Variants in WWOX observed in about 807,000 individuals in gnomAD.
WWOX encodes WW domain-containing oxidoreductase.
Under a neutral mutation model 46.2 loss-of-function variants are expected in WWOX, and 69 were observed. The ratio of observed to expected loss-of-function variants is 1.49; its 90% CI spans 1.23 to 1.82. The LOEUF is 1.82. WWOX is among the 40% of genes most tolerant of loss of function. The probability of loss-of-function intolerance (pLI) is 0.00; values close to 1 mark genes in which losing one functional copy is unlikely to be tolerated. For synonymous variants in WWOX, 359 were observed against 202.6 expected, an observed-to-expected ratio of 1.77 and a Z score of -6.56; for missense variants, 919 against 542.6, an observed-to-expected ratio of 1.69 and a Z score of -6.89.
intron 8 of WWOX, among the ~76,000 whole-genome samples, chr16:78,861,181 T>C (rs142128833): frequency 0.012 from 1,761 of 152,178 alleles, 40 homozygotes; most frequent in African/African-American, 0.041. Flanking sequence ...TCTCTTTGCT[T>C]CTTTCCTTTT....
chr16:79,030,401 C>G (rs1427653000), intron 8 of WWOX, among the ~76,000 whole-genome samples: 4 of 152,202 alleles, frequency 2.6e-5, no homozygotes, highest in African/African-American at 7.2e-5. Context: ...ACTTCAGATA[C>G]TTTTCATGGC....
chr16:79,057,795 C>T (rs1001364109), intron 8 of WWOX, among the ~76,000 whole-genome samples: 1 of 152,162 alleles, frequency 6.6e-6, no homozygotes, highest in Non-Finnish European at 1.5e-5. Flanking sequence ...CAGCTCTGAT[C>T]CATCTCAGCT....
intron 8 of WWOX, among the ~76,000 whole-genome samples, chr16:78,986,594 T>C (rs572263328): frequency 2.2e-4 from 33 of 152,206 alleles, no homozygotes; most frequent in Non-Finnish European, 3.8e-4. Flanking sequence ...CATCATTCCT[T>C]AATTCCAGGT....
At chr16:78,742,585 G>T (rs945342425) in intron 8 of WWOX, among the ~76,000 whole-genome samples, 6 of 152,174 alleles carry the variant, frequency 3.9e-5, no homozygotes, top group South Asian at 2.1e-4. Flanking sequence ...AACGCACAGC[G>T]ATCCCCAGCG....
intron 8 of WWOX, among the ~76,000 whole-genome samples, chr16:79,199,495 T>A (rs952680664): frequency 6.6e-6 from 1 of 152,164 alleles, no homozygotes; most frequent in Admixed American, 6.5e-5. Context: ...TGGCACAAAA[T>A]CAAAACTGCA....
At chr16:78,487,207 T>G (rs561188223) in intron 8 of WWOX, among the ~76,000 whole-genome samples, 50 of 151,964 alleles carry the variant, frequency 3.3e-4, no homozygotes, top group African/African-American at 1.2e-3. Context: ...TTTTTCTCAG[T>G]TTTTTTTCCC....
At chr16:79,047,226 G>A (rs1384882677) in intron 8 of WWOX, among the ~76,000 whole-genome samples, 3 of 152,132 alleles carry the variant, frequency 2.0e-5, no homozygotes, top group Admixed American at 6.6e-5. Context: ...GACACAAATT[G>A]TCCTTACCCT....
At chr16:78,910,857 C>G (rs1440491666) in intron 8 of WWOX, among the ~76,000 whole-genome samples, 3 of 151,906 alleles carry the variant, frequency 2.0e-5, no homozygotes, top group Non-Finnish European at 2.9e-5. Context: ...AGCTATAATT[C>G]AAGATGAGAT....
chr16:78,675,764 A>C (rs755592551), intron 8 of WWOX, among the ~76,000 whole-genome samples: 2 of 152,200 alleles, frequency 1.3e-5, no homozygotes, highest in Non-Finnish European at 2.9e-5. Context: ...GCTTGAGGCC[A>C]GGAGTTTGAG....
intron 8 of WWOX, among the ~76,000 whole-genome samples, chr16:78,709,457 A>G (rs948470896): frequency 1.3e-5 from 2 of 151,802 alleles, no homozygotes; most frequent in African/African-American, 4.9e-5. Flanking sequence ...AGCCTTGGTG[A>G]GATTGGGATA....
At chr16:78,903,830 A>G (rs2044889967) in intron 8 of WWOX, among the ~76,000 whole-genome samples, 1 of 152,230 alleles carries the variant, frequency 6.6e-6, no homozygotes, top group Non-Finnish European at 1.5e-5. Context: ...AACATAATTC[A>G]TAAAGGAACA....
Position 78,350,092 on chromosome 16 carries a change from T to G in WWOX, c.517-36768T>G, listed in dbSNP as rs1237371608. Among the ~76,000 whole-genome samples the G allele has an allele frequency of 1.7e-5, 2 of 121,034 alleles. 1 individual carries two copies. Among genetic ancestry groups the G allele is most frequent in the Non-Finnish European group, 3.9e-5 (2 of 50,682 alleles). The allele number at this position is 121,034 out of a possible 152,430, so 79.4% of individuals were successfully genotyped here. A position where few individuals can be genotyped will look rare whatever the true frequency, so the allele number is the denominator to read the frequency against. On this transcript the variant is annotated intron_variant, in intron 5 of 8. Transcript: ENST00000566780. ...AAACATTTGACCATGTCACTTAAGTTTCTTACCGTGATCTCCAACAGCTAG... is the reference window on the plus strand; with the variant it reads ...AAACATTTGACCATGTCACTTAAGTGTCTTACCGTGATCTCCAACAGCTAG...
intron 8 of WWOX, among the ~76,000 whole-genome samples, chr16:78,982,505 G>A (rs955859724): frequency 6.6e-6 from 1 of 152,208 alleles, no homozygotes; most frequent in African/African-American, 2.4e-5. Flanking sequence ...ATAGTGGTGT[G>A]TATGTATCTT....
intron 8 of WWOX, among the ~76,000 whole-genome samples, chr16:78,948,095 C>G (rs1225758542): frequency 6.6e-6 from 1 of 152,186 alleles, no homozygotes. Flanking sequence ...TCCATCCGTG[C>G]AGCTGCTAGC....
At chr16:78,376,188 T>G (rs2081821088) in intron 5 of WWOX, among the ~76,000 whole-genome samples, 1 of 152,154 alleles carries the variant, frequency 6.6e-6, no homozygotes, top group Non-Finnish European at 1.5e-5. Flanking sequence ...TCACAGTAAC[T>G]TCAAGGAAGA....
intron 8 of WWOX, among the ~76,000 whole-genome samples, chr16:78,768,036 G>C (rs116992336): frequency 6.6e-6 from 1 of 152,154 alleles, no homozygotes; most frequent in East Asian, 1.9e-4. Context: ...TGTTTACATT[G>C]GGGAGGTTGG....
At chr16:78,714,972 C>G (rs1319154086) in intron 8 of WWOX, among the ~76,000 whole-genome samples, 1 of 152,148 alleles carries the variant, frequency 6.6e-6, no homozygotes, top group Admixed American at 6.5e-5. Flanking sequence ...GAGGACAACA[C>G]TATAACTGCT....
At chr16:78,730,371 G>C (rs1260584720) in intron 8 of WWOX, among the ~76,000 whole-genome samples, 3 of 151,770 alleles carry the variant, frequency 2.0e-5, no homozygotes, top group South Asian at 4.2e-4. Flanking sequence ...TAAGCCACGT[G>C]CTGGGATGTA....
chr16:78,925,779 G>T (rs571718854), intron 8 of WWOX, among the ~76,000 whole-genome samples: 3 of 152,148 alleles, frequency 2.0e-5, no homozygotes, highest in Non-Finnish European at 2.9e-5. Flanking sequence ...TGCAGGGTGA[G>T]GCTTTGGCCA....
Sources: gnomAD v4.1 joint callset for allele counts (sites outside exome capture counted in the v4.1 genomes callset) on GRCh38, gnomAD v4.1.1 for gene constraint, MANE v1.5 for transcripts, NCBI Gene and HGNC (gene_info 2026-07-23, HGNC 2026-07-21) for gene names.